Variants in DAB1 observed in about 807,000 individuals in gnomAD.
DAB1 encodes disabled homolog 1.
DAB1 carries 15 observed loss-of-function variants against 64.6 expected under a neutral mutation model. The ratio of observed to expected loss-of-function variants is 0.23; its 90% CI spans 0.16 to 0.36. The LOEUF is 0.36. Ranked by LOEUF, DAB1 falls within the 10% of genes least tolerant of loss-of-function variation. The pLI is 1.00. For missense variants in DAB1, 596 were observed against 706.7 expected, an observed-to-expected ratio of 0.84 and a Z score of 1.78; for synonymous variants, 235 against 251.9, an observed-to-expected ratio of 0.93 and a Z score of 0.64.
intron 3 of DAB1, among the ~76,000 whole-genome samples, chr1:58,350,534 A>G (rs576176219): frequency 1.3e-5 from 2 of 152,228 alleles, no homozygotes; most frequent in African/African-American, 4.8e-5. Flanking sequence ...GTCTTTGCCC[A>G]TGTCTATGTT....
intron 2 of DAB1, among the ~76,000 whole-genome samples, chr1:57,151,946 T>C (rs1210098097): frequency 6.6e-6 from 1 of 151,778 alleles, no homozygotes; most frequent in East Asian, 2.0e-4. Context: ...CCTGGGTAGC[T>C]GGGGTTACAG....
intron 7 of DAB1, among the ~76,000 whole-genome samples, chr1:57,556,479 G>C (rs547435877): frequency 2.8e-4 from 42 of 151,920 alleles, no homozygotes; most frequent in Non-Finnish European, 5.0e-4. Context: ...ATTCTTGTAG[G>C]AGTAAGGTGG....
intron 3 of DAB1, among the ~76,000 whole-genome samples, chr1:58,433,596 A>AGTGTGTGTGT (rs71580866): frequency 1.3e-5 from 1 of 79,792 alleles, no homozygotes; most frequent in African/African-American, 6.5e-5. Flanking sequence ...AGAGAGAGAG[A>AGTGTGTGTGT]GTGTGTGTGT....
chr1:57,907,575 T>C (rs1644571954), intron 5 of DAB1, among the ~76,000 whole-genome samples: 1 of 152,290 alleles, frequency 6.6e-6, no homozygotes. Context: ...AACGACCCTA[T>C]GAGATAGATG....
At chr1:58,041,700 G>T (rs1030454063) in intron 5 of DAB1, among the ~76,000 whole-genome samples, 3 of 152,212 alleles carry the variant, frequency 2.0e-5, no homozygotes, top group African/African-American at 7.2e-5. Flanking sequence ...CCTTGACAAT[G>T]CCTTGGGCTT....
intron 1 of DAB1, among the ~76,000 whole-genome samples, chr1:57,313,899 G>A (rs551766837): frequency 3.7e-4 from 56 of 152,254 alleles, no homozygotes; most frequent in African/African-American, 1.3e-3. Flanking sequence ...TCCACCGTGT[G>A]AAGTTACAGT....
At chr1:57,476,367 T>C (rs1643937767) in intron 7 of DAB1, among the ~76,000 whole-genome samples, 1 of 152,152 alleles carries the variant, frequency 6.6e-6, no homozygotes, top group Non-Finnish European at 1.5e-5. Context: ...GACATTTGTC[T>C]GTCAGTAAAA....
intron 3 of DAB1, among the ~76,000 whole-genome samples, chr1:58,348,028 T>C (rs1317697757): frequency 6.6e-6 from 1 of 152,176 alleles, no homozygotes; most frequent in East Asian, 1.9e-4. Flanking sequence ...CTCATCTCTT[T>C]GTACCTGCAG....
intron 4 of DAB1, among the ~76,000 whole-genome samples, chr1:58,273,876 C>G (rs955217496): frequency 1.8e-5 from 2 of 112,932 alleles, no homozygotes; most frequent in African/African-American, 6.9e-5. Flanking sequence ...CCTTTAAGCA[C>G]TTCTCTGTAT....
At chr1:57,524,171 A>G (rs1420257905) in intron 7 of DAB1, among the ~76,000 whole-genome samples, 2 of 152,132 alleles carry the variant, frequency 1.3e-5, no homozygotes, top group African/African-American at 4.8e-5. Context: ...GGGAAGGTGA[A>G]GGGAAAAGAA....
At position 57,419,138 on chromosome 1, in the gene DAB1, C is replaced by T. The variant is rs146472695; in HGVS notation, c.-137+4792G>A. Among the ~76,000 whole-genome samples the T allele has an allele frequency of 9.1e-3, 1,391 of 152,298 alleles. 6 individuals are homozygous for T. Among genetic ancestry groups the T allele is most frequent in the Non-Finnish European group, 0.014 (960 of 68,026 alleles). The stretch of plus-strand genomic sequence containing the variant: ...ACAGAATGTCTAGCTGGCTCATGCT[C>T]TTAGCCTGACAACACCTCCTCTGCC... On this transcript the variant is annotated intron_variant, in intron 1 of 14. Coordinates refer to ENST00000371236, the MANE Select transcript of DAB1 (RefSeq NM_001365792.1).
intron 1 of DAB1, among the ~76,000 whole-genome samples, chr1:57,346,890 A>T (rs542441112): frequency 2.6e-5 from 4 of 152,280 alleles, no homozygotes; most frequent in African/African-American, 7.2e-5. Context: ...TTTAACAAGC[A>T]TTTACTGTGT....
At chr1:58,286,020 C>T (rs1557722530) in intron 4 of DAB1, among the ~76,000 whole-genome samples, 1 of 152,150 alleles carries the variant, frequency 6.6e-6, no homozygotes, top group Non-Finnish European at 1.5e-5. Context: ...CAAACATCTA[C>T]AACCATATGA....
At chr1:57,550,162 AG>A (rs1402000315) in intron 7 of DAB1, among the ~76,000 whole-genome samples, 4 of 152,312 alleles carry the variant, frequency 2.6e-5, no homozygotes, top group Middle Eastern at 3.4e-3. Flanking sequence ...TGAGGATAAT[AG>A]TACCTTCCTT....
chr1:58,161,985 A>C (rs1655562253), intron 4 of DAB1, among the ~76,000 whole-genome samples: 1 of 152,162 alleles, frequency 6.6e-6, no homozygotes, highest in Non-Finnish European at 1.5e-5. Context: ...ACCAATTAGG[A>C]GGCTTTGCAA....
intron 1 of DAB1, among the ~76,000 whole-genome samples, chr1:57,859,702 A>G (rs576985811): frequency 2.0e-5 from 3 of 152,314 alleles, no homozygotes; most frequent in East Asian, 1.9e-4. Flanking sequence ...ATCTTTCCTG[A>G]TAATGGGCTC....
chr1:57,641,933 G>A (rs1646135745), intron 7 of DAB1, among the ~76,000 whole-genome samples: 1 of 152,098 alleles, frequency 6.6e-6, no homozygotes, highest in African/African-American at 2.4e-5. Flanking sequence ...CATCCACATA[G>A]GTCTGGGTTA....
At chr1:58,062,055 C>T (rs981563926) in intron 5 of DAB1, among the ~76,000 whole-genome samples, 1 of 152,152 alleles carries the variant, frequency 6.6e-6, no homozygotes, top group Non-Finnish European at 1.5e-5. Context: ...TAATGACTAG[C>T]CTTGGGCTAG....
intron 4 of DAB1, among the ~76,000 whole-genome samples, chr1:58,267,789 G>T (rs1463324005): frequency 6.6e-6 from 1 of 151,986 alleles, no homozygotes; most frequent in African/African-American, 2.4e-5. Context: ...AACCCTCTTC[G>T]AAAAGTTCTT....
Sources: gnomAD v4.1 joint callset for allele counts (sites outside exome capture counted in the v4.1 genomes callset) on GRCh38, gnomAD v4.1.1 for gene constraint, MANE v1.5 for transcripts, NCBI Gene and HGNC (gene_info 2026-07-23, HGNC 2026-07-21) for gene names.